Variants in CLXN observed in about 807,000 individuals in gnomAD.
The protein encoded by CLXN is EF-hand calcium binding domain 1.
At chr8:48,727,862 G>A in the CLXN span, among the ~76,000 whole-genome samples, 116 of 152,198 alleles carry the variant, frequency 7.6e-4, 1 homozygote, top group African/African-American at 2.7e-3. Flanking sequence ...GAGGAGAAGA[G>A]GCTATATTCA....
chr8:48,725,839 A>C, the CLXN span, among the ~76,000 whole-genome samples: 5 of 151,776 alleles, frequency 3.3e-5, no homozygotes, highest in Non-Finnish European at 5.9e-5. Context: ...ATAAATAAAT[A>C]AATAATAAAA....
the CLXN span, among the ~76,000 whole-genome samples, chr8:48,718,074 C>T: frequency 0.041 from 6,264 of 152,178 alleles, 189 homozygotes; most frequent in African/African-American, 0.082. Context: ...TCCAGCAATA[C>T]GCTGTCTACA....
chr8:48,730,528 C>A, the CLXN span: 1 of 1,567,300 alleles, frequency 6.4e-7, no homozygotes, highest in Non-Finnish European at 8.8e-7. Context: ...ATAGGACAAC[C>A]TGCAATCTTA....
chr8:48,734,516 T>C, the CLXN span: 1 of 152,176 alleles, frequency 6.6e-6, no homozygotes. Flanking sequence ...GAGTCTAAAG[T>C]TGGGAACCCA....
chr8:48,732,724 G>A, the CLXN span, among the ~76,000 whole-genome samples: 11 of 152,102 alleles, frequency 7.2e-5, no homozygotes, highest in Non-Finnish European at 1.6e-4. Context: ...GTCCATCAAT[G>A]GAGGAATGGA....
chr8:48,726,355 C>T, the CLXN span, among the ~76,000 whole-genome samples: 1 of 148,768 alleles, frequency 6.7e-6, no homozygotes, highest in East Asian at 2.1e-4. Flanking sequence ...CATCCACCCA[C>T]TCATCATTTC....
chr8:48,730,695 G>C, the CLXN span: 2 of 1,045,418 alleles, frequency 1.9e-6, no homozygotes, highest in East Asian at 5.2e-5. Flanking sequence ...ATAACTCTCA[G>C]TAAAGTATCT....
chr8:48,722,653 A>T, the CLXN span, among the ~76,000 whole-genome samples: 385 of 152,230 alleles, frequency 2.5e-3, no homozygotes, highest in Middle Eastern at 6.8e-3. Flanking sequence ...CGTGCATTGC[A>T]GTTGGTTGCC....
the CLXN span, among the ~76,000 whole-genome samples, chr8:48,726,840 T>C: frequency 7.5e-6 from 1 of 132,928 alleles, no homozygotes; most frequent in Non-Finnish European, 1.6e-5. Flanking sequence ...TGTCCATCCA[T>C]GCATCCACCC....
the CLXN span, among the ~76,000 whole-genome samples, chr8:48,721,056 CAAT>C: frequency 1.3e-5 from 2 of 152,220 alleles, no homozygotes; most frequent in African/African-American, 4.8e-5. Context: ...ACAAACACAA[CAAT>C]GACAACAACA....
the CLXN span, chr8:48,735,176 G>C: frequency 6.2e-7 from 1 of 1,613,372 alleles, no homozygotes; most frequent in South Asian, 1.1e-5. Flanking sequence ...GAATCGGGCC[G>C]CGGCGGGGGT....
chr8:48,725,633 G>A, the CLXN span, among the ~76,000 whole-genome samples: 4 of 152,024 alleles, frequency 2.6e-5, no homozygotes, highest in Non-Finnish European at 4.4e-5. Flanking sequence ...GAGAAACCAC[G>A]TCTCTACTAA....
chr8:48,724,091 A>T, the CLXN span: 3 of 152,168 alleles, frequency 2.0e-5, no homozygotes, highest in Non-Finnish European at 4.4e-5. Context: ...AGCCCATTGT[A>T]TGCAGAGGAC....
At chr8:48,720,215 C>T in the CLXN span, among the ~76,000 whole-genome samples, 1 of 152,042 alleles carries the variant, frequency 6.6e-6, no homozygotes, top group African/African-American at 2.4e-5. Flanking sequence ...TGAAAAAGAA[C>T]AGAATAACAG....
chr8:48,722,824 A>G, the CLXN span, among the ~76,000 whole-genome samples: 2 of 152,170 alleles, frequency 1.3e-5, no homozygotes, highest in African/African-American at 2.4e-5. Flanking sequence ...AAAGAAGGAA[A>G]TTATGCCATT....
the CLXN span, chr8:48,729,906 C>A: frequency 0.073 from 115,303 of 1,579,032 alleles, 5,016 homozygotes; most frequent in South Asian, 0.18. Context: ...GAATTTGATG[C>A]TATCAGTAAG....
At chr8:48,726,276 C>A in the CLXN span, among the ~76,000 whole-genome samples, 1 of 149,492 alleles carries the variant, frequency 6.7e-6, no homozygotes, top group Non-Finnish European at 1.5e-5. Context: ...TCTATCCATC[C>A]ATCCATCCAT....
At chr8:48,715,625 T>C in the CLXN span, 2 of 152,194 alleles carry the variant, frequency 1.3e-5, no homozygotes, top group East Asian at 3.9e-4. Context: ...TTTTTATGAC[T>C]GATGGTGCCC....
chr8:48,735,291 G>T, the CLXN span: 1 of 972,348 alleles, frequency 1.0e-6, no homozygotes. Context: ...GGCCCTAACA[G>T]ACGGTGTAGC....
Sources: allele counts gnomAD v4.1 joint callset (sites outside exome capture counted in the v4.1 genomes callset), GRCh38; gene constraint gnomAD v4.1.1; transcripts MANE v1.5; gene names NCBI Gene and HGNC (gene_info 2026-07-23, HGNC 2026-07-21).